The following MAF variants were observed in gnomAD, a reference collection of about 807,000 sequenced individuals.
MAF encodes transcription factor Maf.
A neutral mutation model predicts 22.0 loss-of-function variants in MAF; 10 were observed. The ratio of observed to expected loss-of-function variants is 0.45; its 90% CI spans 0.28 to 0.77. The LOEUF (loss-of-function observed/expected upper bound fraction) is 0.77, where lower values mean the gene tolerates loss of function less well. Ranked by LOEUF, MAF falls within the 30% of genes least tolerant of loss-of-function variation. The pLI is 0.12. For synonymous variants in MAF, 337 were observed against 255.8 expected (o/e 1.32, Z -3.03); for missense variants, 544 against 548.4 (o/e 0.99, Z 0.08).
chr16:79,345,927 A>G, the MAF span, among the ~76,000 whole-genome samples: 1 of 151,818 alleles, frequency 6.6e-6, no homozygotes, highest in African/African-American at 2.4e-5. Context: ...TCCTCTAGAT[A>G]AAGCCAAAAG....
chr16:79,311,403 T>C, the MAF span, among the ~76,000 whole-genome samples: 1 of 151,794 alleles, frequency 6.6e-6, no homozygotes, highest in East Asian at 1.9e-4. Context: ...TTGGGGCTAA[T>C]GTGAGTTTTC....
chr16:79,351,487 C>A, the MAF span, among the ~76,000 whole-genome samples: 2 of 152,048 alleles, frequency 1.3e-5, no homozygotes, highest in Admixed American at 6.6e-5. Context: ...GTGCTACAAA[C>A]TAGGAAGTAG....
chr16:79,304,771 A>G, the MAF span, among the ~76,000 whole-genome samples: 7 of 152,326 alleles, frequency 4.6e-5, no homozygotes, highest in Admixed American at 2.0e-4. Context: ...GGACTAAATG[A>G]TTATTGCTGT....
downstream of MAF, among the ~76,000 whole-genome samples, chr16:79,583,285 A>G (rs962043092): frequency 2.6e-5 from 4 of 152,156 alleles, no homozygotes; most frequent in Non-Finnish European, 4.4e-5. Context: ...CTTACGTTTG[A>G]CAACTGTTTG....
chr16:79,288,511 G>A, the MAF span, among the ~76,000 whole-genome samples: 19 of 152,250 alleles, frequency 1.2e-4, 1 homozygote, highest in South Asian at 2.1e-3. Context: ...ACTGAACAAA[G>A]CAAAGTCACC....
chr16:79,530,855 T>C, the MAF span, among the ~76,000 whole-genome samples: 194 of 152,294 alleles, frequency 1.3e-3, 1 homozygote, highest in African/African-American at 4.0e-3. Context: ...GTGGAAGGAA[T>C]GGAAATGATT....
the MAF span, among the ~76,000 whole-genome samples, chr16:79,305,009 G>T: frequency 1.3e-5 from 2 of 152,198 alleles, no homozygotes; most frequent in Non-Finnish European, 2.9e-5. Flanking sequence ...AGTAATTTAA[G>T]CAATGTGGAC....
chr16:79,419,464 T>G, the MAF span, among the ~76,000 whole-genome samples: 1 of 152,226 alleles, frequency 6.6e-6, no homozygotes. Flanking sequence ...CTCAGTCGCC[T>G]TACAGTTTCC....
the MAF span, among the ~76,000 whole-genome samples, chr16:79,304,118 A>G: frequency 6.6e-6 from 1 of 152,232 alleles, no homozygotes. Flanking sequence ...AAGGCTTGGC[A>G]GGCGAAGACA....
At chr16:79,212,073 T>C in the MAF span, 1 of 1,536,442 alleles carries the variant, frequency 6.5e-7, no homozygotes, top group Non-Finnish European at 8.7e-7. Flanking sequence ...GTGTGTAGGT[T>C]CCGTATCTCC....
chr16:79,389,886 G>C, the MAF span, among the ~76,000 whole-genome samples: 2 of 140,934 alleles, frequency 1.4e-5, no homozygotes, highest in Non-Finnish European at 3.0e-5. Context: ...TGAGGCAGGA[G>C]AATGGCGTGA....
At chr16:79,286,339 G>C in the MAF span, among the ~76,000 whole-genome samples, 27 of 152,276 alleles carry the variant, frequency 1.8e-4, 1 homozygote, top group Middle Eastern at 6.8e-3. Flanking sequence ...AACCTTCTTA[G>C]AAAAGTCCTC....
chr16:79,250,240 T>G, the MAF span, among the ~76,000 whole-genome samples: 1 of 152,218 alleles, frequency 6.6e-6, no homozygotes, highest in African/African-American at 2.4e-5. Flanking sequence ...GAACAAATAT[T>G]TCTCAGGACT....
chr16:79,314,998 A>G, the MAF span, among the ~76,000 whole-genome samples: 1 of 152,244 alleles, frequency 6.6e-6, no homozygotes, highest in Non-Finnish European at 1.5e-5. Flanking sequence ...GACACAGGGA[A>G]TTAATGAAGA....
chr16:79,410,336 A>G, the MAF span, among the ~76,000 whole-genome samples: 2 of 152,186 alleles, frequency 1.3e-5, no homozygotes, highest in African/African-American at 2.4e-5. Context: ...TTTAAATTTA[A>G]TTCGGCTGAA....
chr16:79,267,570 A>T, the MAF span, among the ~76,000 whole-genome samples: 7 of 152,304 alleles, frequency 4.6e-5, no homozygotes, highest in African/African-American at 1.7e-4. Context: ...GCTCACGGCC[A>T]ATCAGCTGGT....
At chr16:79,405,784 G>A in the MAF span, among the ~76,000 whole-genome samples, 1 of 143,822 alleles carries the variant, frequency 7.0e-6, no homozygotes. Context: ...CCTCAAAACA[G>A]TGCAAAGAGA....
the MAF span, among the ~76,000 whole-genome samples, chr16:79,438,621 G>A: frequency 6.6e-6 from 1 of 152,110 alleles, no homozygotes; most frequent in Non-Finnish European, 1.5e-5. Flanking sequence ...GGAGGGAAGG[G>A]GGCGGAGCTC....
the MAF span, among the ~76,000 whole-genome samples, chr16:79,408,652 C>T: frequency 6.6e-6 from 1 of 151,506 alleles, no homozygotes; most frequent in Non-Finnish European, 1.5e-5. Flanking sequence ...TCCTTCTTTT[C>T]TTTTTTCACT....
Sources: allele counts gnomAD v4.1 joint callset (sites outside exome capture counted in the v4.1 genomes callset), GRCh38; gene constraint gnomAD v4.1.1; transcripts MANE v1.5; gene names NCBI Gene and HGNC (gene_info 2026-07-23, HGNC 2026-07-21).